MRTFB: variants seen among roughly 807,000 people sequenced by gnomAD.
MRTFB encodes the protein myocardin-related transcription factor B.
MRTFB carries 29 observed loss-of-function variants against 104.2 expected under a neutral mutation model. The observed-to-expected ratio is 0.28, with a 90% CI of 0.21 to 0.38. The LOEUF (loss-of-function observed/expected upper bound fraction) is 0.38. Among genes scored for constraint, MRTFB ranks in the 10% least tolerant of loss-of-function variants. The probability of loss-of-function intolerance (pLI) is 1.00; values close to 1 mark genes in which losing one functional copy is unlikely to be tolerated. For missense variants in MRTFB, 1,270 were observed against 1,341.6 expected (o/e 0.95, Z 0.83); for synonymous variants, 535 against 519.5 (o/e 1.03, Z -0.41).
intron 2 of MRTFB, among the ~76,000 whole-genome samples, chr16:14,093,587 A>T (rs905793529): frequency 6.6e-6 from 1 of 152,222 alleles, no homozygotes; most frequent in Non-Finnish European, 1.5e-5. Flanking sequence ...AGATACTATG[A>T]TCATTTAAAA....
chr16:14,261,060 C>T lies in MRTFB; in HGVS notation c.2916C>T (p.Gly972=), dbSNP rs1221120605. The part of the protein sequence containing the change: ...MAPPVSLEPM[G]SLSASLENQL... ...CACCTGTATCTTTAGAACCTATGGG[C>T]AGTTTATCTGCCAGCTTAGAGAACC... The change falls in exon 17 of 17, where the codon GGC becomes GGT. Residue 972 remains glycine, a synonymous_variant. Coordinates refer to ENST00000571589, the MANE Select transcript of MRTFB (RefSeq NM_001308142.2). The T allele has an allele frequency of 2.5e-6, 4 of 1,614,064 alleles. No homozygotes were observed. In the African/African-American group the frequency reaches 4.0e-5, roughly 16 times the overall value.
chr16:14,181,610 C>A (rs1271286360), intron 3 of MRTFB, among the ~76,000 whole-genome samples: 1 of 152,170 alleles, frequency 6.6e-6, no homozygotes, highest in East Asian at 1.9e-4. Context: ...TTACCCATCT[C>A]TTTGCATTTG....
At chr16:14,074,738 A>G (rs1190602454) in intron 1 of MRTFB, among the ~76,000 whole-genome samples, 3 of 152,228 alleles carry the variant, frequency 2.0e-5, no homozygotes, top group Non-Finnish European at 4.4e-5. Context: ...AACTTGATTC[A>G]AAGGGTGACT....
intron 2 of MRTFB, among the ~76,000 whole-genome samples, chr16:14,094,398 C>T (rs2035248070): frequency 6.6e-6 from 1 of 152,102 alleles, no homozygotes; most frequent in South Asian, 2.1e-4. Flanking sequence ...AGAATTTAGG[C>T]TGAAGTGTTG....
intron 8 of MRTFB, among the ~76,000 whole-genome samples, chr16:14,227,272 G>A (rs142257886): frequency 2.7e-5 from 4 of 147,050 alleles, no homozygotes; most frequent in Non-Finnish European, 5.9e-5. Flanking sequence ...GTGAGAGCTT[G>A]TTGTTAAAAA....
At chr16:14,069,274 G>T (rs746201104), upstream of MRTFB, among the ~76,000 whole-genome samples, 5 of 148,446 alleles carry the variant, frequency 3.4e-5, no homozygotes, top group Non-Finnish European at 7.5e-5. Flanking sequence ...CCCAGCCCAG[G>T]TTCTCCAGCT....
chr16:14,047,688 A>C, the MRTFB span, among the ~76,000 whole-genome samples: 1 of 152,178 alleles, frequency 6.6e-6, no homozygotes, highest in East Asian at 1.9e-4. Flanking sequence ...AAACCATCAG[A>C]ACTCATGAGA....
intron 2 of MRTFB, among the ~76,000 whole-genome samples, chr16:14,091,516 G>A (rs979503562): frequency 1.3e-5 from 2 of 152,092 alleles, no homozygotes; most frequent in African/African-American, 4.8e-5. Flanking sequence ...TCTTGGCCTT[G>A]GGAGTTTGTG....
intron 2 of MRTFB, among the ~76,000 whole-genome samples, chr16:14,096,875 C>G (rs1275433732): frequency 2.0e-5 from 3 of 152,318 alleles, no homozygotes; most frequent in Admixed American, 1.3e-4. Context: ...TTGGAGCTGT[C>G]AAGCTCCATT....
In MRTFB at chr16:14,252,494, C is replaced by T; in HGVS notation, c.2695C>T (p.Leu899=). ...IKQTRSTQAP[L]PEISNAHSQQ... ...GCAGACACGCAGCACACAGGCCCCT[C>T]TGCCAGAGGTAAGTGAGGGCACGGT... The change falls in exon 15 of 17, where the codon CTG becomes TTG. Residue 899 remains leucine (L), a synonymous_variant. Transcript: ENST00000571589. 6.2e-7 allele frequency: 1 copy of T among 1,614,066 alleles called. No individual in the cohort carries two copies. The highest frequency in any genetic ancestry group is 8.5e-7 in the Non-Finnish European group (1 of 1,180,006).
the MRTFB span, among the ~76,000 whole-genome samples, chr16:13,998,666 A>C: frequency 6.6e-6 from 1 of 151,494 alleles, no homozygotes; most frequent in Non-Finnish European, 1.5e-5. Context: ...GGGAAAGAGA[A>C]GGTGAAGGAG....
At chr16:14,220,822 G>A (rs1362170451) in intron 8 of MRTFB, among the ~76,000 whole-genome samples, 2 of 152,162 alleles carry the variant, frequency 1.3e-5, no homozygotes, top group Admixed American at 6.5e-5. Flanking sequence ...TTTACAGGAT[G>A]TTAACAGTTC....
intron 3 of MRTFB, among the ~76,000 whole-genome samples, chr16:14,202,108 T>A (rs2040730968): frequency 6.7e-6 from 1 of 149,028 alleles, no homozygotes; most frequent in African/African-American, 2.5e-5. Context: ...AAAATTCTAC[T>A]GTTTACAAGG....
intron 2 of MRTFB, among the ~76,000 whole-genome samples, chr16:14,136,531 C>A (rs1044580857): frequency 2.0e-5 from 3 of 152,078 alleles, no homozygotes; most frequent in African/African-American, 7.2e-5. Flanking sequence ...CAACCCCTAC[C>A]CATCAGGGAT....
chr16:14,105,588 A>G (rs963311572), intron 2 of MRTFB, among the ~76,000 whole-genome samples: 1 of 152,096 alleles, frequency 6.6e-6, no homozygotes, highest in Non-Finnish European at 1.5e-5. Context: ...TTGTAAAGAT[A>G]GGGTCTCACT....
rs755541127 is a variant in MRTFB, at chr16:14,212,439, TTCTC to T, written c.276+35_276+38del. The T allele has an allele frequency of 1.9e-6, 3 of 1,585,258 alleles. No individual in the cohort carries two copies. In the African/African-American group the frequency reaches 4.0e-5, roughly 21 times the overall value. On this transcript the variant is annotated intron_variant, in intron 5 of 16. Coordinates refer to ENST00000571589, the MANE Select transcript of MRTFB (RefSeq NM_001308142.2). Reference sequence around the variant, plus strand: ...GACATTTCACTTTAAAATGTTCTACTTCTCTCTCCTTCTCTCCTCTCTTCTAAAA... The same window carrying T: ...GACATTTCACTTTAAAATGTTCTACTTCTCCTTCTCTCCTCTCTTCTAAAA...
At chr16:14,149,354 C>T (rs944749818) in intron 3 of MRTFB, 10 of 152,210 alleles carry the variant, frequency 6.6e-5, no homozygotes, top group African/African-American at 2.2e-4. Context: ...GTCTGATTCA[C>T]GGCTTGCCTT....
intron 8 of MRTFB, among the ~76,000 whole-genome samples, chr16:14,221,909 G>T (rs1036308203): frequency 1.3e-5 from 2 of 150,216 alleles, no homozygotes; most frequent in African/African-American, 4.9e-5. Context: ...AGCCTCCCAA[G>T]TAGCTGGAAT....
chr16:14,011,870 T>G, the MRTFB span, among the ~76,000 whole-genome samples: 4 of 152,118 alleles, frequency 2.6e-5, no homozygotes, highest in African/African-American at 9.7e-5. Flanking sequence ...AGACTCCGTC[T>G]CACAAATAAT....
Sources: gnomAD v4.1 joint callset for allele counts (sites outside exome capture counted in the v4.1 genomes callset) on GRCh38, gnomAD v4.1.1 for gene constraint, MANE v1.5 for transcripts, NCBI Gene and HGNC (gene_info 2026-07-23, HGNC 2026-07-21) for gene names.